MARK1: variants seen among roughly 807,000 people sequenced by gnomAD.
MARK1 encodes serine/threonine-protein kinase MARK1.
In MARK1, 40 loss-of-function variants were observed where a neutral mutation model predicts 96.3. The ratio of observed to expected loss-of-function variants is 0.42; its 90% CI spans 0.32 to 0.54. MARK1 has a LOEUF of 0.54. MARK1 is among the 20% of genes least tolerant of loss of function. The pLI is 0.16. For missense variants in MARK1, 719 were observed against 984.6 expected, an observed-to-expected ratio of 0.73 and a Z score of 3.61; for synonymous variants, 317 against 341.2, an observed-to-expected ratio of 0.93 and a Z score of 0.78.
chr1:220,562,789 C>T (rs1414134229), intron 1 of MARK1, among the ~76,000 whole-genome samples: 1 of 152,150 alleles, frequency 6.6e-6, no homozygotes, highest in African/African-American at 2.4e-5. Context: ...CTTTAGATTA[C>T]TTATAATACC....
chr1:220,650,968 T>A (rs992446754), intron 14 of MARK1, among the ~76,000 whole-genome samples: 5 of 152,174 alleles, frequency 3.3e-5, no homozygotes, highest in African/African-American at 9.7e-5. Context: ...TAGTAAATAT[T>A]TTTCTATAAC....
At chr1:220,556,823 G>A (rs1482749654) in intron 1 of MARK1, among the ~76,000 whole-genome samples, 1 of 152,142 alleles carries the variant, frequency 6.6e-6, no homozygotes, top group Non-Finnish European at 1.5e-5. Flanking sequence ...TAGACTTGAT[G>A]GACTGGTATA....
chr1:220,529,442 A>AC (rs1452837089), intron 1 of MARK1, among the ~76,000 whole-genome samples: 1 of 152,158 alleles, frequency 6.6e-6, no homozygotes, highest in Admixed American at 6.5e-5. Context: ...ATGAGTTTAT[A>AC]CTGCTGTGAC....
At chr1:220,595,320 G>T (rs1665261833) in intron 3 of MARK1, among the ~76,000 whole-genome samples, 3 of 152,172 alleles carry the variant, frequency 2.0e-5, no homozygotes, top group Non-Finnish European at 4.4e-5. Flanking sequence ...CCCTCTGTGG[G>T]TCAGATGCTC....
rs1426612085 is a variant in MARK1 at position 220,540,368 on chromosome 1, T to C, written c.51+11495T>C. 3.3e-5 allele frequency among the ~76,000 whole-genome samples: 5 copies of C among 152,208 alleles called. No homozygotes were observed. The East Asian group carries it at 9.7e-4, about 29-fold the overall frequency. On this transcript the variant is annotated intron_variant, in intron 1 of 17. Transcript: ENST00000366917. ...AGAAATAAATTTTCCGTTTTTTTTC[T>C]TTATATTCCAATCGGGCTCTCTCAA...
At chr1:220,641,496 A>G (rs1184731545) in intron 13 of MARK1, among the ~76,000 whole-genome samples, 3 of 152,154 alleles carry the variant, frequency 2.0e-5, no homozygotes, top group Non-Finnish European at 4.4e-5. Flanking sequence ...TGTGAGAAAT[A>G]TATTTCTGTT....
chr1:220,630,506 A>G (rs1667628356), intron 9 of MARK1, among the ~76,000 whole-genome samples: 1 of 152,122 alleles, frequency 6.6e-6, no homozygotes, highest in South Asian at 2.1e-4. Flanking sequence ...TTCTTACCTA[A>G]TTCCTAACTC....
Position 220,582,722 on chromosome 1 carries a change from A to G in MARK1, c.309+1604A>G, listed in dbSNP as rs551910165. Among the ~76,000 whole-genome samples, 127 of 152,302 alleles carry G rather than the reference A, an allele frequency of 8.3e-4. 4 individuals are homozygous for G. In the South Asian group the frequency reaches 0.025, roughly 30 times the overall value. Reference sequence around the variant, plus strand: ...TTGAAACATGTGAACATGAAACTGAATGTTGCTTTCTTTATCTGAATAACT... The same window carrying G: ...TTGAAACATGTGAACATGAAACTGAGTGTTGCTTTCTTTATCTGAATAACT... On this transcript the variant is annotated intron_variant, in intron 3 of 17. Transcript: ENST00000366917.
chr1:220,563,487 T>C (rs541176879), intron 1 of MARK1, among the ~76,000 whole-genome samples: 2 of 152,340 alleles, frequency 1.3e-5, no homozygotes, highest in South Asian at 2.1e-4. Flanking sequence ...AAGATTCTTA[T>C]TCTTACAAAT....
At chr1:220,577,549 A>G (rs1218986738) in intron 1 of MARK1, among the ~76,000 whole-genome samples, 1 of 152,238 alleles carries the variant, frequency 6.6e-6, no homozygotes, top group African/African-American at 2.4e-5. Context: ...GTTGAAATAC[A>G]GAGTGCTGGA....
At chr1:220,550,045 C>A (rs1661757697) in intron 1 of MARK1, among the ~76,000 whole-genome samples, 1 of 152,200 alleles carries the variant, frequency 6.6e-6, no homozygotes, top group Non-Finnish European at 1.5e-5. Context: ...TGCCTTTTCT[C>A]CATGCTTACC....
intron 14 of MARK1, among the ~76,000 whole-genome samples, chr1:220,651,290 T>G (rs1374641896): frequency 6.6e-6 from 1 of 152,242 alleles, no homozygotes; most frequent in Non-Finnish European, 1.5e-5. Context: ...CCTATTCTAA[T>G]GAAATTATTT....
At chr1:220,566,088 T>C (rs1249689326) in intron 1 of MARK1, among the ~76,000 whole-genome samples, 1 of 152,206 alleles carries the variant, frequency 6.6e-6, no homozygotes, top group Non-Finnish European at 1.5e-5. Context: ...AATTGGGTAA[T>C]GTTATCAGTT....
intron 15 of MARK1, 146 bp from the exon 16 acceptor site, chr1:220,652,955 T>C (rs1489050137): frequency 2.3e-6 from 2 of 853,476 alleles, no homozygotes; most frequent in Non-Finnish European, 3.5e-6. Flanking sequence ...GAAATTTTAC[T>C]CCAAACCCAT....
chr1:220,611,652 G>A (rs1468063588), intron 6 of MARK1, among the ~76,000 whole-genome samples: 1 of 152,228 alleles, frequency 6.6e-6, no homozygotes, highest in Non-Finnish European at 1.5e-5. Context: ...ATCATGCTGG[G>A]AGCTGCAGAC....
At chr1:220,603,485 C>A (rs1665878972) in intron 5 of MARK1, among the ~76,000 whole-genome samples, 3 of 152,024 alleles carry the variant, frequency 2.0e-5, no homozygotes, top group African/African-American at 4.8e-5. Context: ...ATTAGAGATA[C>A]ACACACAAAT....
chr1:220,541,951 G>A (rs1025936061), intron 1 of MARK1, among the ~76,000 whole-genome samples: 2 of 152,106 alleles, frequency 1.3e-5, no homozygotes, highest in African/African-American at 4.8e-5. Context: ...GTAGGTTTTT[G>A]TCCCTCTTAT....
intron 2 of MARK1, 140 bp downstream of exon 2, chr1:220,579,697 A>C: frequency 1.5e-6 from 1 of 651,222 alleles, no homozygotes; most frequent in Non-Finnish European, 2.7e-6. Flanking sequence ...GAACATTAGT[A>C]GGCAGAGGTT....
At chr1:220,624,768 T>C (rs12044432) in intron 9 of MARK1, among the ~76,000 whole-genome samples, 87,913 of 151,990 alleles carry the variant, frequency 0.58, 26,775 homozygotes, top group Non-Finnish European at 0.68. Flanking sequence ...CAGAAAGTTA[T>C]TTTCATTTTC....
Sources: gnomAD v4.1 joint callset for allele counts (sites outside exome capture counted in the v4.1 genomes callset) on GRCh38, gnomAD v4.1.1 for gene constraint, MANE v1.5 for transcripts, NCBI Gene and HGNC (gene_info 2026-07-23, HGNC 2026-07-21) for gene names.